Variants in CAMSAP2 observed in about 807,000 individuals in gnomAD.
CAMSAP2 encodes the protein calmodulin-regulated spectrin-associated protein 2.
A neutral mutation model predicts 146.1 loss-of-function variants in CAMSAP2; 26 were observed. The observed-to-expected ratio is 0.18, with a 90% CI of 0.13 to 0.25. CAMSAP2 has a LOEUF of 0.25. Ranked by LOEUF, CAMSAP2 falls within the 10% of genes least tolerant of loss-of-function variation. The pLI is 1.00. For missense variants in CAMSAP2, 1,381 were observed against 1,759.3 expected (o/e 0.78, Z 3.85); for synonymous variants, 499 against 596.6 (o/e 0.84, Z 2.38).
rs1470461790 is a variant in CAMSAP2, at chr1:200,848,057, G to C, written c.1288G>C (p.Asp430His). 1 of 1,551,040 alleles carries C rather than the reference G, an allele frequency of 6.4e-7. No individual in the cohort carries two copies. Among genetic ancestry groups the C allele is most frequent in the African/African-American group, 1.4e-5 (1 of 72,280 alleles). ...KRSSVHGVSF[D>H]ISFDKEDSVQ... ...ATCATCAGTGCATGGCGTATCATTT[G>C]ATATTTCTTTTGATAAAGAAGATAG... is the stretch of plus-strand genomic sequence containing the variant. The change falls in exon 11 of 17, where the codon GAT (aspartate) becomes CAT (histidine). Residue 430 changes from aspartate to histidine, a missense_variant. Asp to His is a moderately conservative substitution (Grantham distance 81). This residue lies in a region of CAMSAP2 where 447 missense variants were observed against 462.2 expected (regional missense o/e 0.97). Coordinates refer to ENST00000358823, the MANE Select transcript of CAMSAP2 (RefSeq NM_203459.4).
chr1:200,803,724 T>C (rs1156448215), intron 2 of CAMSAP2, among the ~76,000 whole-genome samples: 1 of 152,172 alleles, frequency 6.6e-6, no homozygotes, highest in East Asian at 1.9e-4. Context: ...TGTTTTTTAA[T>C]TTGGGAAGTT....
At chr1:200,753,932 A>C (rs1664578216) in intron 1 of CAMSAP2, among the ~76,000 whole-genome samples, 1 of 152,172 alleles carries the variant, frequency 6.6e-6, no homozygotes, top group East Asian at 1.9e-4. Context: ...ACCCAGAGAC[A>C]AATCACGTGG....
intron 15 of CAMSAP2, among the ~76,000 whole-genome samples, chr1:200,856,604 A>C (rs1251321525): frequency 2.3e-4 from 35 of 152,242 alleles, no homozygotes; most frequent in Non-Finnish European, 7.3e-5. Context: ...AATGAAGAAT[A>C]GAATGTGGGT....
chr1:200,822,186 C>A (rs903748652), intron 4 of CAMSAP2, among the ~76,000 whole-genome samples: 2 of 151,230 alleles, frequency 1.3e-5, no homozygotes, highest in Admixed American at 6.6e-5. Flanking sequence ...GTAAATTGTT[C>A]TACCACATTT....
chr1:200,833,131 A>C (rs1230799184), intron 6 of CAMSAP2, among the ~76,000 whole-genome samples: 1 of 152,200 alleles, frequency 6.6e-6, no homozygotes, highest in African/African-American at 2.4e-5. Context: ...TGACCTAGCA[A>C]CTTTAAGCTT....
chr1:200,742,210 G>C (rs140092738), intron 1 of CAMSAP2, among the ~76,000 whole-genome samples: 21 of 152,328 alleles, frequency 1.4e-4, no homozygotes, highest in African/African-American at 4.6e-4. Context: ...CCGTTCTGCA[G>C]AGTAACCGTT....
rs1479537887 is a variant in CAMSAP2 at position 200,850,089 on chromosome 1, C to T, written c.3320C>T (p.Pro1107Leu). 6.8e-6 allele frequency: 11 copies of T among 1,613,338 alleles called. No homozygotes were observed. The Admixed American group carries it at 1.7e-4, about 25-fold the overall frequency. The change falls in exon 11 of 17, where the codon CCA becomes CTA. Residue 1107 changes from proline (P) to leucine (L), a missense_variant. Pro to Leu is a moderately conservative substitution (Grantham distance 98). Transcript: ENST00000358823. Reference sequence around the variant, plus strand: ...AAACCCGTTTTCCCACCCACTGCTCCAAAAAATGTTAATCTGATTGAAGTT... The same window carrying T: ...AAACCCGTTTTCCCACCCACTGCTCTAAAAAATGTTAATCTGATTGAAGTT... ...PPKPVFPPTA[P>L]KNVNLIEVSL...
chr1:200,856,251 T>C (rs549750167), intron 15 of CAMSAP2, 126 bp downstream of exon 15: 2 of 643,730 alleles, frequency 3.1e-6, no homozygotes. Flanking sequence ...AAACAGTGAA[T>C]GCAGGTGGTC....
At chr1:200,747,752 T>G (rs1461599017) in intron 1 of CAMSAP2, among the ~76,000 whole-genome samples, 1 of 152,076 alleles carries the variant, frequency 6.6e-6, no homozygotes, top group Non-Finnish European at 1.5e-5. Flanking sequence ...GGCTCACGCC[T>G]GTAATCCCAG....
At chr1:200,842,974 T>C (rs1264307220) in intron 7 of CAMSAP2, among the ~76,000 whole-genome samples, 1 of 130,790 alleles carries the variant, frequency 7.6e-6, no homozygotes, top group African/African-American at 2.9e-5. Context: ...AGACACCATC[T>C]CAAAAAAAAA....
chr1:200,852,820 A>C, intron 12 of CAMSAP2, 143 bp downstream of exon 12: 2 of 817,606 alleles, frequency 2.4e-6, no homozygotes. Context: ...TGTAGTATAG[A>C]TAGACAGCTG....
rs1419014452 is a variant in CAMSAP2, at chr1:200,858,589, C to G, written c.*530C>G. Reference sequence around the variant, plus strand: ...CTTTCTTATGATGTTAAGAGAAACACTAGTGTTTAGTTTTACAGTAACCCT... The same window carrying G: ...CTTTCTTATGATGTTAAGAGAAACAGTAGTGTTTAGTTTTACAGTAACCCT... On this transcript the variant is annotated 3_prime_UTR_variant, in exon 17 of 17. Coordinates refer to ENST00000358823, the MANE Select transcript of CAMSAP2 (RefSeq NM_203459.4). 2 of 152,588 alleles carry G rather than the reference C, an allele frequency of 1.3e-5. No individual in the cohort carries two copies. Among genetic ancestry groups the G allele is most frequent in the African/African-American group, 4.8e-5 (2 of 41,426 alleles). The allele number at this position is 152,588 out of a possible 1,614,324, so 9.5% of individuals were successfully genotyped here. A position where few individuals can be genotyped will look rare whatever the true frequency, so the allele number is the denominator to read the frequency against.
intron 4 of CAMSAP2, among the ~76,000 whole-genome samples, chr1:200,821,812 T>G (rs1666774088): frequency 6.6e-6 from 1 of 152,230 alleles, no homozygotes; most frequent in Admixed American, 6.5e-5. Context: ...TTAAACATTT[T>G]TTTGAATTCA....
At chr1:200,760,402 A>T (rs574790534) in intron 1 of CAMSAP2, among the ~76,000 whole-genome samples, 2 of 152,362 alleles carry the variant, frequency 1.3e-5, no homozygotes, top group African/African-American at 4.8e-5. Flanking sequence ...AAAACTGGGC[A>T]GATGATTTTG....
chr1:200,814,039 C>T (rs1666406011), intron 3 of CAMSAP2, among the ~76,000 whole-genome samples: 1 of 141,792 alleles, frequency 7.1e-6, no homozygotes, highest in Non-Finnish European at 1.5e-5. Flanking sequence ...GCCCAGGAGA[C>T]AAAGGTTGTA....
chr1:200,853,545 T>C lies in CAMSAP2; in HGVS notation c.3823+50T>C, dbSNP rs1448971838. The C allele has an allele frequency of 7.1e-7, 1 of 1,412,402 alleles. No homozygotes were observed. Among genetic ancestry groups the C allele is most frequent in the East Asian group, 2.3e-5 (1 of 43,310 alleles). The allele number at this position is 1,412,402 out of a possible 1,614,324, so 87.5% of individuals were successfully genotyped here. A position where few individuals can be genotyped will look rare whatever the true frequency, so the allele number is the denominator to read the frequency against. On this transcript the variant is annotated intron_variant, in intron 13 of 16. Transcript: ENST00000358823. The surrounding 1 kb of genome is among the most constrained non-coding windows in gnomAD (Gnocchi z 5.1). ...CTGTTCATAAAAAACACCAGCTTGATTGGTTTGTCATACTAACTTGGTTGT... is the reference window on the plus strand; with the variant it reads ...CTGTTCATAAAAAACACCAGCTTGACTGGTTTGTCATACTAACTTGGTTGT...
intron 1 of CAMSAP2, among the ~76,000 whole-genome samples, chr1:200,740,800 CT>C (rs1157276696): frequency 2.1e-4 from 32 of 152,108 alleles, no homozygotes; most frequent in Middle Eastern, 3.2e-3. Context: ...CGTTATGATT[CT>C]TTAGTGTTGC....
At chr1:200,768,001 G>A (rs940363941) in intron 2 of CAMSAP2, among the ~76,000 whole-genome samples, 1 of 152,092 alleles carries the variant, frequency 6.6e-6, no homozygotes, top group African/African-American at 2.4e-5. Flanking sequence ...TACTTTACTA[G>A]GTGATCTCAC....
chr1:200,750,669 G>C (rs961038625), intron 1 of CAMSAP2, among the ~76,000 whole-genome samples: 2 of 150,994 alleles, frequency 1.3e-5, no homozygotes, highest in Non-Finnish European at 2.9e-5. Flanking sequence ...TTGTTGCCCA[G>C]GTTGGAGTGC....
Sources: gnomAD v4.1 joint callset for allele counts (sites outside exome capture counted in the v4.1 genomes callset) on GRCh38, gnomAD v4.1.1 for gene constraint, gnomAD v4.1.1 regional missense constraint, Gnocchi (gnomAD v3.1) non-coding constraint, MANE v1.5 for transcripts, NCBI Gene and HGNC (gene_info 2026-07-23, HGNC 2026-07-21) for gene names.